ALMS1: variants seen among roughly 807,000 people sequenced by gnomAD.
The protein encoded by ALMS1 is ALMS1 centrosome and basal body associated protein.
Under a neutral mutation model 352.2 loss-of-function variants are expected in ALMS1, and 271 were observed. The ratio of observed to expected loss-of-function variants is 0.77; its 90% CI spans 0.70 to 0.85. The LOEUF (loss-of-function observed/expected upper bound fraction) is 0.85. Ranked by LOEUF, ALMS1 falls within the 40% of genes least tolerant of loss-of-function variation. The pLI is 0.00. For synonymous variants in ALMS1, 1,865 were observed against 1,761.2 expected, an observed-to-expected ratio of 1.06 and a Z score of -1.48; for missense variants, 5,445 against 4,870.7, an observed-to-expected ratio of 1.12 and a Z score of -3.51.
intron 15 of ALMS1, among the ~76,000 whole-genome samples, chr2:73,567,105 A>C (rs962051545): frequency 2.0e-5 from 3 of 152,148 alleles, no homozygotes; most frequent in Non-Finnish European, 4.4e-5. Context: ...TATTGATTAA[A>C]TCATTGGCCA....
At chr2:73,399,892 G>A (rs2103653813) in intron 1 of ALMS1, among the ~76,000 whole-genome samples, 1 of 150,294 alleles carries the variant, frequency 6.7e-6, no homozygotes, top group South Asian at 2.1e-4. Context: ...ATGATCATGT[G>A]GTTTTTCTTC....
chr2:73,601,184 GT>G lies in ALMS1; in HGVS notation c.11873-8del. Reference sequence around the variant, plus strand: ...AAAATCTGTGTTCCTTCTAAAAACTGTTTCCTGTAGGAGTTTCCTGGTTTGT... The same window carrying G: ...AAAATCTGTGTTCCTTCTAAAAACTGTTCCTGTAGGAGTTTCCTGGTTTGT... On this transcript the variant is annotated splice_polypyrimidine_tract_variant and intron_variant, in intron 18 of 22. Coordinates refer to ENST00000613296, the MANE Select transcript of ALMS1 (RefSeq NM_001378454.1). 6.2e-7 allele frequency: 1 copy of G among 1,614,042 alleles called. No homozygotes were observed. The highest frequency in any genetic ancestry group is 8.5e-7 in the Non-Finnish European group (1 of 1,180,006).
chr2:73,482,360 G>A (rs1263872116), intron 9 of ALMS1, among the ~76,000 whole-genome samples: 1 of 152,166 alleles, frequency 6.6e-6, no homozygotes, highest in Non-Finnish European at 1.5e-5. Flanking sequence ...CTTTGGCTCT[G>A]TTTATATGCT....
chr2:73,509,959 A>G (rs1350051717), intron 10 of ALMS1, among the ~76,000 whole-genome samples: 2 of 151,730 alleles, frequency 1.3e-5, no homozygotes, highest in East Asian at 1.9e-4. Flanking sequence ...ACTTTATTTC[A>G]TGAAGTTGAT....
intron 9 of ALMS1, among the ~76,000 whole-genome samples, chr2:73,488,971 A>G (rs1032734261): frequency 6.6e-6 from 1 of 152,090 alleles, no homozygotes; most frequent in East Asian, 1.9e-4. Flanking sequence ...CTCAAATAAG[A>G]TAGAATTTTA....
chr2:73,458,228 G>C (rs1246483665), intron 9 of ALMS1: 1 of 151,808 alleles, frequency 6.6e-6, no homozygotes, highest in African/African-American at 2.4e-5. Context: ...AACCCATATT[G>C]GCCACACTGT....
chr2:73,538,401 G>A (rs531374836), intron 12 of ALMS1, among the ~76,000 whole-genome samples: 26 of 152,208 alleles, frequency 1.7e-4, no homozygotes, highest in East Asian at 5.8e-4. Flanking sequence ...AAAAATAAGC[G>A]GAGAGAGCCA....
At chr2:73,533,565 T>C (rs1198891527) in intron 11 of ALMS1, among the ~76,000 whole-genome samples, 1 of 152,142 alleles carries the variant, frequency 6.6e-6, no homozygotes, top group East Asian at 1.9e-4. Context: ...ACTCTTCCCA[T>C]GGGCTGAACA....
chr2:73,510,990 G>A (rs1414036231), intron 10 of ALMS1, among the ~76,000 whole-genome samples: 1 of 152,166 alleles, frequency 6.6e-6, no homozygotes, highest in African/African-American at 2.4e-5. Context: ...ACACTGTGAG[G>A]GGAAAACTGC....
rs55889738 is a variant in ALMS1 at position 73,385,903 on chromosome 2, T to TGGA, written c.72_74dup (p.Glu28dup). 0.35 allele frequency: 246,842 copies of TGGA among 697,652 alleles called. 15,294 individuals are homozygous for TGGA. Among genetic ancestry groups the TGGA allele is most frequent in the East Asian group, 0.4 (14,175 of 35,034 alleles). The allele number at this position is 697,652 out of a possible 1,614,324, so 43.2% of individuals were successfully genotyped here. A position where few individuals can be genotyped will look rare whatever the true frequency, so the allele number is the denominator to read the frequency against. ...GAGGATCTGCCATGGCCGGGCGAGCTGGAGGAGGAGGAGGAGGAGGAGGAG... is the reference window on the plus strand; with the variant it reads ...GAGGATCTGCCATGGCCGGGCGAGCTGGAGGAGGAGGAGGAGGAGGAGGAGGAG... On this transcript the variant is annotated inframe_insertion, in exon 1 of 23. Coordinates refer to ENST00000613296, the MANE Select transcript of ALMS1 (RefSeq NM_001378454.1).
intron 15 of ALMS1, 49 bp downstream of exon 15, chr2:73,559,191 G>A: frequency 6.3e-7 from 1 of 1,583,956 alleles, no homozygotes; most frequent in East Asian, 2.3e-5. Flanking sequence ...GTGTGTATGT[G>A]AGGGTCAGTG....
chr2:73,532,563 C>A (rs1465217641), intron 11 of ALMS1, among the ~76,000 whole-genome samples: 10 of 152,152 alleles, frequency 6.6e-5, no homozygotes, highest in Non-Finnish European at 4.4e-5. Flanking sequence ...TCATTCAAGG[C>A]CCAAGGGCTC....
chr2:73,492,850 G>A (rs545793425), intron 10 of ALMS1, among the ~76,000 whole-genome samples: 8 of 151,946 alleles, frequency 5.3e-5, no homozygotes, highest in African/African-American at 1.9e-4. Context: ...TTCCCGTCCC[G>A]CCTCAGCCAC....
Position 73,455,144 on chromosome 2 carries a change from T to C in ALMS1, c.7541-18T>C. 6.2e-7 allele frequency: 1 copy of C among 1,613,296 alleles called. No homozygotes were observed. Among genetic ancestry groups the C allele is most frequent in the African/African-American group, 1.3e-5 (1 of 75,008 alleles). On this transcript the variant is annotated intron_variant, in intron 8 of 22. Coordinates refer to ENST00000613296, the MANE Select transcript of ALMS1 (RefSeq NM_001378454.1). ...CACTTTTGCATTGTATTATCTCAAG[T>C]GTATGCTTTCTCTCCAGCCTGGAAT...
intron 15 of ALMS1, among the ~76,000 whole-genome samples, chr2:73,572,041 G>C (rs1253672443): frequency 6.6e-6 from 1 of 152,232 alleles, no homozygotes; most frequent in Non-Finnish European, 1.5e-5. Flanking sequence ...GTCAGTGGCA[G>C]AGCCCAGGCC....
In ALMS1 at chr2:73,448,821, C is replaced by G; in HGVS notation, c.2294C>G (p.Ser765Ter). Reference sequence around the variant, plus strand: ...CCAGCAGTACAGTCTAGTTCTTACTCACAAAGAGAAAAGCCTAGTATTTTG... The same window carrying G: ...CCAGCAGTACAGTCTAGTTCTTACTGACAAAGAGAAAAGCCTAGTATTTTG... ...EIPAVQSSSYSQREKPSILYP... is the reference protein window; with the variant it reads ...EIPAVQSSSY Residue 765 changes from serine (S) to a stop codon, truncating the protein, a stop_gained, in exon 8 of 23, where the codon TCA (serine) becomes TGA (stop). Coordinates refer to ENST00000613296, the MANE Select transcript of ALMS1 (RefSeq NM_001378454.1). LOFTEE classifies it high-confidence loss of function. 1 of 1,613,998 alleles carries G rather than the reference C, an allele frequency of 6.2e-7. No homozygotes were observed. The highest frequency in any genetic ancestry group is 8.5e-7 in the Non-Finnish European group (1 of 1,179,960).
chr2:73,422,306 ATC>A (rs1671298674), intron 3 of ALMS1, among the ~76,000 whole-genome samples: 1 of 152,084 alleles, frequency 6.6e-6, no homozygotes, highest in African/African-American at 2.4e-5. Flanking sequence ...ATGTCACTGT[ATC>A]TTTTTGAGAG....
intron 16 of ALMS1, among the ~76,000 whole-genome samples, chr2:73,597,845 A>G (rs1675583495): frequency 6.6e-6 from 1 of 151,342 alleles, no homozygotes. Context: ...GCAGGACTTT[A>G]CAATTGCCCC....
At chr2:73,512,363 G>C (rs377619951) in intron 10 of ALMS1, among the ~76,000 whole-genome samples, 1 of 151,176 alleles carries the variant, frequency 6.6e-6, no homozygotes, top group Non-Finnish European at 1.5e-5. Context: ...GATTACAGGC[G>C]TAAGCTACCA....
Sources: allele counts gnomAD v4.1 joint callset (sites outside exome capture counted in the v4.1 genomes callset), GRCh38; gene constraint gnomAD v4.1.1; transcripts MANE v1.5; gene names NCBI Gene and HGNC (gene_info 2026-07-23, HGNC 2026-07-21).